ACSL6: variants seen among roughly 807,000 people sequenced by gnomAD.
ACSL6 encodes the protein long-chain-fatty-acid--CoA ligase 6.
ACSL6 carries 47 observed loss-of-function variants against 98.2 expected under a neutral mutation model. That is an observed-to-expected ratio of 0.48 (90% CI 0.38 to 0.61). The LOEUF is 0.61. Ranked by LOEUF, ACSL6 falls within the 20% of genes least tolerant of loss-of-function variation. ACSL6 has a pLI of 0.00. For missense variants in ACSL6, 761 were observed against 913.4 expected (o/e 0.83, Z 2.15); for synonymous variants, 362 against 336.9 (o/e 1.07, Z -0.82).
At position 131,988,077 on chromosome 5, in the gene ACSL6, C is replaced by T. The variant is rs1217306104; in HGVS notation, c.802G>A (p.Val268Met). Residue 268 changes from valine (V) to methionine (M), a missense_variant, in exon 7 of 21, where the codon GTG becomes ATG. Coordinates refer to ENST00000651883, the MANE Select transcript of ACSL6 (RefSeq NM_001009185.3). ...ACGGCCTGCATGGACTTAATGACCA[C>T]CCCGCACTTCTGCCCTCTCTCTTTC... ...ALKERGQKCGVVIKSMQAVED... is the reference protein window; with the variant it reads ...ALKERGQKCGMVIKSMQAVED... 2 of 1,614,184 alleles carry T rather than the reference C, an allele frequency of 1.2e-6. No homozygotes were observed. Among genetic ancestry groups the T allele is most frequent in the Non-Finnish European group, 1.7e-6 (2 of 1,180,014 alleles).
rs1752235714 is a variant in ACSL6 at position 131,953,165 on chromosome 5, T to G, written c.*1069A>C. The G allele has an allele frequency of 5.1e-6, 1 of 196,340 alleles. No individual in the cohort carries two copies. Among genetic ancestry groups the G allele is most frequent in the East Asian group, 8.0e-5 (1 of 12,440 alleles). The allele number at this position is 196,340 out of a possible 1,614,324, so 12.2% of individuals were successfully genotyped here. ...AGATGTCTTTTAGAATTCATTATAA[T>G]AAGAAGTCCATGAACATACACACAC... On this transcript the variant is annotated 3_prime_UTR_variant, in exon 21 of 21. Transcript: ENST00000651883.
chr5:131,970,321 G>A, intron 14 of ACSL6, 121 bp from the exon 15 acceptor site: 1 of 782,828 alleles, frequency 1.3e-6, no homozygotes, highest in Non-Finnish European at 2.2e-6. Context: ...TCAGGGCGAT[G>A]GAGGGAGGGA....
chr5:131,954,416 A>C (rs761131236), intron 20 of ACSL6, 45 bp from the exon 21 acceptor site: 4 of 1,579,278 alleles, frequency 2.5e-6, no homozygotes, highest in Non-Finnish European at 2.6e-6. Context: ...AATAGAACAC[A>C]GTATTTATAG....
intron 1 of ACSL6, among the ~76,000 whole-genome samples, chr5:132,004,219 C>A (rs867975684): frequency 2.9e-5 from 4 of 138,980 alleles, no homozygotes; most frequent in Non-Finnish European, 4.7e-5. Context: ...GGCTTCTATC[C>A]TTTTTTTTTT....
At chr5:131,998,425 C>T (rs1754900171) in intron 1 of ACSL6, among the ~76,000 whole-genome samples, 2 of 152,180 alleles carry the variant, frequency 1.3e-5, no homozygotes, top group South Asian at 4.1e-4. Flanking sequence ...GAACTTCCTC[C>T]CACCTCAGCA....
chr5:131,962,453 T>C (rs1752760841), intron 18 of ACSL6, 82 bp downstream of exon 18: 1 of 1,461,604 alleles, frequency 6.8e-7, no homozygotes, highest in Non-Finnish European at 9.2e-7. Context: ...AGAATCCTGG[T>C]GCCTGATTGG....
chr5:131,975,530 G>T (rs964363671), intron 10 of ACSL6: 4 of 985,338 alleles, frequency 4.1e-6, no homozygotes, highest in Non-Finnish European at 4.8e-6. Context: ...AACTGTGGCT[G>T]GGGTATGAGC....
At chr5:131,964,789 T>C (rs1752921159) in intron 17 of ACSL6, among the ~76,000 whole-genome samples, 1 of 152,202 alleles carries the variant, frequency 6.6e-6, no homozygotes, top group Non-Finnish European at 1.5e-5. Context: ...CTATGGGTCT[T>C]CAGTTGGAAT....
chr5:132,000,309 C>T (rs1027446697), intron 1 of ACSL6, among the ~76,000 whole-genome samples: 1 of 152,138 alleles, frequency 6.6e-6, no homozygotes, highest in African/African-American at 2.4e-5. Flanking sequence ...CCCAGGGCAG[C>T]ACACCAGCCC....
At position 131,972,812 on chromosome 5, in the gene ACSL6, A is replaced by T. The variant is rs1183880502; in HGVS notation, c.1250T>A (p.Phe417Tyr). The T allele has an allele frequency of 6.2e-7, 1 of 1,614,216 alleles. No homozygotes were observed. Among genetic ancestry groups the T allele is most frequent in the Non-Finnish European group, 8.5e-7 (1 of 1,180,032 alleles). ...NTPLKRWLLE[F>Y]AAKRKQAEVR... ...CTCGGCTTGCTTACGCTTTGCTGCA[A>T]ACTCCAGGAGCCAGCGCTTTAATGG... The change falls in exon 13 of 21, where the codon TTT becomes TAT. Residue 417 changes from phenylalanine to tyrosine, a missense_variant. Physicochemically the swap from Phe to Tyr is conservative, Grantham distance 22 (BLOSUM62 3). Transcript: ENST00000651883.
chr5:131,971,566 G>T lies in ACSL6; in HGVS notation c.1418C>A (p.Ala473Glu), dbSNP rs532917263. The T allele has an allele frequency of 3.7e-6, 6 of 1,610,478 alleles. No individual in the cohort carries two copies. The highest frequency in any genetic ancestry group is 1.7e-4 in the Middle Eastern group (1 of 6,048). The stretch of plus-strand genomic sequence containing the variant: ...TGACAATACCTGGCACCCTAGAGCT[G>T]CCCGGAGAAATCCCAGAACTGTTGG... ...ASPTVLGFLRAALGCQVYEGY... is the reference protein window; with the variant it reads ...ASPTVLGFLREALGCQVYEGY... The change falls in exon 14 of 21, where the codon GCA becomes GAA. Residue 473 changes from alanine to glutamate, a missense_variant. Ala to Glu is a moderately radical substitution (Grantham distance 107, BLOSUM62 -1). Transcript: ENST00000651883.
upstream of ACSL6, chr5:132,011,933 G>A (rs1396173175): frequency 6.4e-7 from 1 of 1,553,626 alleles, no homozygotes. The surrounding 1 kb of genome is among the most constrained non-coding windows in gnomAD (Gnocchi z 5.4). Flanking sequence ...TGCGGAAACC[G>A]GCTGGAAGGG....
chr5:131,959,788 G>A, intron 19 of ACSL6, 181 bp from the exon 20 acceptor site: 1 of 626,154 alleles, frequency 1.6e-6, no homozygotes, highest in East Asian at 2.8e-5. Context: ...CATCTGGCAA[G>A]TAAGTACCTG....
At chr5:131,991,523 G>C (rs1754512505) in intron 2 of ACSL6, among the ~76,000 whole-genome samples, 1 of 152,344 alleles carries the variant, frequency 6.6e-6, no homozygotes, top group South Asian at 2.1e-4. Flanking sequence ...AGGAGGCTAG[G>C]GAGGGAGGAC....
rs1752187794 is a variant in ACSL6, at chr5:131,952,004, G to T, written c.*2230C>A. The stretch of plus-strand genomic sequence containing the variant: ...TGTCACATTGTTCAAAATTCTTTTG[G>T]GCTTAAAGCCAACTATGAATTTTAG... On this transcript the variant is annotated 3_prime_UTR_variant, in exon 21 of 21. Transcript: ENST00000651883. 5.6e-6 allele frequency: 1 copy of T among 178,262 alleles called. No homozygotes were observed. The highest frequency in any genetic ancestry group is 2.0e-4 in the South Asian group (1 of 5,046). The allele number at this position is 178,262 out of a possible 1,614,324, so 11.0% of individuals were successfully genotyped here.
intron 17 of ACSL6, 88 bp from the exon 18 acceptor site, chr5:131,962,766 C>G: frequency 6.7e-7 from 1 of 1,491,120 alleles, no homozygotes; most frequent in Non-Finnish European, 9.2e-7. Flanking sequence ...CCTGCCCTAC[C>G]CCACCCTGCA....
At chr5:131,976,384 A>C (rs1329391624) in intron 10 of ACSL6, 2 of 347,110 alleles carry the variant, frequency 5.8e-6, no homozygotes, top group Non-Finnish European at 4.1e-6. Flanking sequence ...ATAGGTTTGC[A>C]TGCTTTTCTT....
At chr5:131,997,163 A>C (rs1180003188) in intron 1 of ACSL6, among the ~76,000 whole-genome samples, 1 of 152,212 alleles carries the variant, frequency 6.6e-6, no homozygotes, top group Non-Finnish European at 1.5e-5. Context: ...AGTGGGAGGA[A>C]GAAGGGGACT....
In ACSL6 at chr5:131,974,978, C is replaced by T. The variant is rs189431295; in HGVS notation, c.991-8G>A. The T allele has an allele frequency of 1.1e-3, 1,715 of 1,613,154 alleles. 6 individuals are homozygous for T. The highest frequency in any genetic ancestry group is 6.7e-4 in the Admixed American group (40 of 59,916). The stretch of plus-strand genomic sequence containing the variant: ...TCTCGGAAAGATCACTTTCTGCAGG[C>T]GACGGGCATGGGAGACAGAAAGGAA... On this transcript the variant is annotated splice_region_variant and splice_polypyrimidine_tract_variant and intron_variant, in intron 10 of 20. Coordinates refer to ENST00000651883, the MANE Select transcript of ACSL6 (RefSeq NM_001009185.3).
Sources: allele counts gnomAD v4.1 joint callset (sites outside exome capture counted in the v4.1 genomes callset), GRCh38; gene constraint gnomAD v4.1.1; non-coding constraint Gnocchi (gnomAD v3.1); transcripts MANE v1.5; gene names NCBI Gene and HGNC (gene_info 2026-07-23, HGNC 2026-07-21).